XRCC6: variants seen among roughly 807,000 people sequenced by gnomAD.
The protein encoded by XRCC6 is X-ray repair cross complementing 6.
XRCC6 carries 5 observed loss-of-function variants against 65.7 expected under a neutral mutation model. The ratio of observed to expected loss-of-function variants is 0.08; its 90% confidence interval spans 0.04 to 0.16. The LOEUF (loss-of-function observed/expected upper bound fraction) is 0.16. XRCC6 is among the 10% of genes least tolerant of loss of function. The pLI, the probability that XRCC6 is intolerant of heterozygous loss-of-function variation, is 1.00. For missense variants in XRCC6, 447 were observed against 738.1 expected (o/e 0.61, Z 4.57); for synonymous variants, 270 against 270.6 (o/e 1.00, Z 0.02).
chr22:41,662,572 G>GAT (rs2068109736), intron 12 of XRCC6, among the ~76,000 whole-genome samples: 1 of 152,150 alleles, frequency 6.6e-6, no homozygotes, highest in Non-Finnish European at 1.5e-5. Context: ...TCATTGGATA[G>GAT]ATATACCAGG....
chr22:41,626,831 A>C (rs2067681010), intron 2 of XRCC6, among the ~76,000 whole-genome samples: 5 of 151,392 alleles, frequency 3.3e-5, no homozygotes. Context: ...TAGCAGAGAC[A>C]GGGTTTCACC....
At chr22:41,630,958 G>C (rs1165720985) in intron 3 of XRCC6, among the ~76,000 whole-genome samples, 3 of 151,700 alleles carry the variant, frequency 2.0e-5, no homozygotes, top group African/African-American at 7.3e-5. Context: ...ATCATGGCCC[G>C]TTCTCAATGA....
At position 41,636,523 on chromosome 22, in the gene XRCC6, A is replaced by C. The variant is rs761686722; in HGVS notation, c.342A>C (p.Lys114Asn). Residue 114 changes from lysine (K) to asparagine (N), a missense_variant, in exon 5 of 13, where the codon AAA (lysine) becomes AAC (asparagine). Physicochemically the swap from Lys to Asn is moderately conservative, Grantham distance 94. Transcript: ENST00000360079. ...CTCCCTGCCTCTGATCAGGTGCAAAACGAATTCTAGAGCTTGACCAGTTTA... is the reference window on the plus strand; with the variant it reads ...CTCCCTGCCTCTGATCAGGTGCAAACCGAATTCTAGAGCTTGACCAGTTTA... ...VLQELDNPGAKRILELDQFKG... is the reference protein window; with the variant it reads ...VLQELDNPGANRILELDQFKG... The C allele has an allele frequency of 6.2e-7, 1 of 1,613,800 alleles. No individual in the cohort carries two copies. The highest frequency in any genetic ancestry group is 8.5e-7 in the Non-Finnish European group (1 of 1,179,802).
At chr22:41,634,531 G>A (rs149156515) in intron 3 of XRCC6, among the ~76,000 whole-genome samples, 1 of 145,308 alleles carries the variant, frequency 6.9e-6, no homozygotes, top group East Asian at 2.1e-4. Context: ...TAGGCCCCTA[G>A]AACTGATGAA....
intron 8 of XRCC6, among the ~76,000 whole-genome samples, chr22:41,651,521 A>ATT (rs891200055): frequency 6.9e-6 from 1 of 145,486 alleles, no homozygotes; most frequent in South Asian, 2.2e-4. Flanking sequence ...ATATATATAT[A>ATT]TTTTTTTAAT....
In XRCC6 at chr22:41,653,700, A is replaced by G. The variant is rs1015930311; in HGVS notation, c.1291+10A>G. On this transcript the variant is annotated intron_variant, in intron 9 of 12. Transcript: ENST00000360079. ...CAGGTGACTCCTCCAGGTATGTGGC[A>G]GAGATATTTCCAGGGCTTCTGAACC... 2 of 1,612,276 alleles carry G rather than the reference A, an allele frequency of 1.2e-6. No homozygotes were observed. The highest frequency in any genetic ancestry group is 1.7e-6 in the Non-Finnish European group (2 of 1,178,590).
At chr22:41,651,758 C>A (rs999773089) in intron 8 of XRCC6, among the ~76,000 whole-genome samples, 1 of 151,496 alleles carries the variant, frequency 6.6e-6, no homozygotes, top group African/African-American at 2.4e-5. Context: ...GAACTCCTGA[C>A]CTCGTGAGCC....
At chr22:41,656,086 G>A (rs1399964260) in intron 9 of XRCC6, among the ~76,000 whole-genome samples, 1 of 151,278 alleles carries the variant, frequency 6.6e-6, no homozygotes, top group Non-Finnish European at 1.5e-5. Context: ...AAAAAAAGTA[G>A]CCAAGTGTGG....
chr22:41,658,147 T>A, intron 10 of XRCC6, 105 bp from the exon 11 acceptor site: 2 of 1,150,112 alleles, frequency 1.7e-6, no homozygotes, highest in South Asian at 2.7e-5. Context: ...TTGGGGTGTT[T>A]TTCTCAGCTC....
chr22:41,629,006 T>C (rs1175847574), intron 3 of XRCC6, among the ~76,000 whole-genome samples: 1 of 139,298 alleles, frequency 7.2e-6, no homozygotes, highest in African/African-American at 2.7e-5. Flanking sequence ...TCCAAAGATA[T>C]GCAGATGTCC....
intron 2 of XRCC6, among the ~76,000 whole-genome samples, chr22:41,627,473 T>C (rs1359906957): frequency 6.6e-6 from 1 of 151,224 alleles, no homozygotes. Context: ...TAGCTGGGAG[T>C]GGTGGCGGGC....
intron 2 of XRCC6, among the ~76,000 whole-genome samples, chr22:41,626,639 T>G (rs1466859891): frequency 6.8e-6 from 1 of 147,610 alleles, no homozygotes; most frequent in African/African-American, 2.5e-5. Flanking sequence ...TTGTTTTTTT[T>G]TTTGTTTTTT....
intron 12 of XRCC6, 87 bp from the exon 13 acceptor site, chr22:41,663,535 G>T: frequency 6.8e-7 from 1 of 1,465,124 alleles, no homozygotes; most frequent in Non-Finnish European, 9.3e-7. Context: ...TTGCAGCCCA[G>T]ATTATACGAG....
chr22:41,628,244 T>A lies in XRCC6; in HGVS notation c.195+14T>A. ...ATGAGCATCCAGGTAAGACTACCTTTTAATTTAAGACAAATTTAAAAACAG... is the reference window on the plus strand; with the variant it reads ...ATGAGCATCCAGGTAAGACTACCTTATAATTTAAGACAAATTTAAAAACAG... On this transcript the variant is annotated intron_variant, in intron 3 of 12. Transcript: ENST00000360079. 1 of 1,598,762 alleles carries A rather than the reference T, an allele frequency of 6.3e-7. No individual in the cohort carries two copies. The highest frequency in any genetic ancestry group is 8.5e-7 in the Non-Finnish European group (1 of 1,169,656).
intron 3 of XRCC6, 98 bp from the exon 4 acceptor site, chr22:41,636,015 A>G: frequency 8.9e-7 from 1 of 1,125,692 alleles, no homozygotes; most frequent in East Asian, 2.6e-5. Flanking sequence ...TGCCATATAC[A>G]AATTCAGTGC....
At chr22:41,642,957 A>G (rs931436084) in intron 6 of XRCC6, among the ~76,000 whole-genome samples, 3 of 152,216 alleles carry the variant, frequency 2.0e-5, no homozygotes, top group Admixed American at 2.0e-4. Flanking sequence ...CAAAATTTCT[A>G]TTTGTGGCTC....
intron 6 of XRCC6, among the ~76,000 whole-genome samples, chr22:41,646,360 G>A (rs1284343315): frequency 6.6e-6 from 1 of 151,864 alleles, no homozygotes; most frequent in East Asian, 1.9e-4. Context: ...TTATTATGAT[G>A]ATTAAATGAG....
intron 8 of XRCC6, among the ~76,000 whole-genome samples, chr22:41,652,585 C>G (rs759455388): frequency 1.3e-5 from 2 of 152,120 alleles, no homozygotes; most frequent in Non-Finnish European, 2.9e-5. Flanking sequence ...AGGCTGGTCT[C>G]AAACTCCTGG....
At chr22:41,631,456 C>T (rs1217895401) in intron 3 of XRCC6, among the ~76,000 whole-genome samples, 6 of 149,738 alleles carry the variant, frequency 4.0e-5, no homozygotes, top group Non-Finnish European at 7.4e-5. Flanking sequence ...TCAGATGGGG[C>T]GGCTGGGCAG....
Sources: gnomAD v4.1 joint callset for allele counts (sites outside exome capture counted in the v4.1 genomes callset) on GRCh38, gnomAD v4.1.1 for gene constraint, MANE v1.5 for transcripts, NCBI Gene and HGNC (gene_info 2026-07-23, HGNC 2026-07-21) for gene names.